The following ZC3HAV1 variants were observed in gnomAD, a reference collection of about 807,000 sequenced individuals.
ZC3HAV1 encodes the protein zinc finger CCCH-type antiviral protein 1.
ZC3HAV1 carries 41 observed loss-of-function variants against 86.6 expected under a neutral mutation model. The ratio of observed to expected loss-of-function variants is 0.47; its 90% CI spans 0.37 to 0.61. The LOEUF is 0.61. Among genes scored for constraint, ZC3HAV1 ranks in the 20% least tolerant of loss-of-function variants. The pLI, the probability that ZC3HAV1 is intolerant of heterozygous loss-of-function variation, is 0.00. For missense variants in ZC3HAV1, 964 were observed against 1,141.1 expected (o/e 0.84, Z 2.24); for synonymous variants, 421 against 432.1 (o/e 0.97, Z 0.32).
In ZC3HAV1 at chr7:139,083,934, GT is replaced by G. The variant is rs1406568181; in HGVS notation, c.542del (p.Asn181ThrfsTer13). 1 of 1,614,110 alleles carries G rather than the reference GT, an allele frequency of 6.2e-7. No homozygotes were observed. The highest frequency in any genetic ancestry group is 8.5e-7 in the Non-Finnish European group (1 of 1,180,028). On this transcript the variant is annotated frameshift_variant, in exon 3 of 13. Transcript: ENST00000242351. LOFTEE classifies it high-confidence loss of function. ...LHICDHFTRG[N>X]CRFPNCLRSH... The stretch of plus-strand genomic sequence containing the variant: ...ACCGGAGGCAGTTGGGAAAACGACA[GT>G]TCCCTCGGGTGAAGTGGTCACAGAT...
intron 9 of ZC3HAV1, among the ~76,000 whole-genome samples, chr7:139,060,170 A>G (rs527859052): frequency 1.3e-5 from 2 of 152,216 alleles, no homozygotes; most frequent in Non-Finnish European, 2.9e-5. Flanking sequence ...GTTGTTTTCC[A>G]TATGACTTCA....
intron 8 of ZC3HAV1, among the ~76,000 whole-genome samples, chr7:139,062,075 G>GT (rs1254771011): frequency 6.6e-6 from 1 of 152,332 alleles, no homozygotes; most frequent in South Asian, 2.1e-4. Flanking sequence ...AAAGTGAGGT[G>GT]TATGTGGTGT....
chr7:139,064,832 CA>C, intron 8 of ZC3HAV1, 46 bp downstream of exon 8: 1 of 1,613,654 alleles, frequency 6.2e-7, no homozygotes, highest in Non-Finnish European at 8.5e-7. Flanking sequence ...GTGTACACTG[CA>C]GGCGGATTTC....
chr7:139,079,163 G>A (rs1270771621), intron 4 of ZC3HAV1: 13 of 1,536,092 alleles, frequency 8.5e-6, no homozygotes, highest in East Asian at 2.4e-5. Flanking sequence ...AGGAACCTGG[G>A]TGCAGTTCTG....
chr7:139,074,676 T>C (rs981551509), intron 6 of ZC3HAV1, among the ~76,000 whole-genome samples: 1 of 151,388 alleles, frequency 6.6e-6, no homozygotes, highest in African/African-American at 2.4e-5. Context: ...TATATATAAA[T>C]ATGTAAATAA....
chr7:139,090,477 T>G (rs2130720705), intron 1 of ZC3HAV1, among the ~76,000 whole-genome samples: 3 of 152,306 alleles, frequency 2.0e-5, no homozygotes, highest in Middle Eastern at 3.4e-3. Context: ...TTCTATTAAC[T>G]CCATAAATTA....
chr7:139,097,505 G>T lies in ZC3HAV1; in HGVS notation c.309-7746C>A, dbSNP rs1817640944. Among the ~76,000 whole-genome samples, 8 of 143,002 alleles carry T rather than the reference G, an allele frequency of 5.6e-5. No individual in the cohort carries two copies. The Admixed American group carries it at 5.9e-4, about 10-fold the overall frequency. The allele number at this position is 143,002 out of a possible 152,430, so 93.8% of individuals were successfully genotyped here. A position where few individuals can be genotyped will look rare whatever the true frequency, so the allele number is the denominator to read the frequency against. On this transcript the variant is annotated intron_variant, in intron 1 of 12. Transcript: ENST00000242351. Reference sequence around the variant, plus strand: ...GCTGGAGTGCAGTGGCGCGATCTCGGCTTATTGCAAGCTCCACCTCCTGGG... The same window carrying T: ...GCTGGAGTGCAGTGGCGCGATCTCGTCTTATTGCAAGCTCCACCTCCTGGG...
intron 2 of ZC3HAV1, among the ~76,000 whole-genome samples, chr7:139,087,085 T>C (rs1344569893): frequency 6.6e-6 from 1 of 152,166 alleles, no homozygotes; most frequent in African/African-American, 2.4e-5. Flanking sequence ...CGATCAGACA[T>C]GATGAATGGC....
At chr7:139,058,573 G>A (rs994949404) in intron 9 of ZC3HAV1, among the ~76,000 whole-genome samples, 2 of 152,036 alleles carry the variant, frequency 1.3e-5, no homozygotes, top group Non-Finnish European at 2.9e-5. Flanking sequence ...ATAAGTAACT[G>A]TATTACAAGG....
intron 7 of ZC3HAV1, among the ~76,000 whole-genome samples, chr7:139,067,793 G>A (rs559176126): frequency 6.6e-6 from 1 of 152,214 alleles, no homozygotes. Context: ...GAGCCTTCAC[G>A]AGAAAGTGAA....
rs775460892 is a variant in ZC3HAV1, at chr7:139,078,592, T to C, written c.1533A>G (p.Glu511=). 1 of 1,591,424 alleles carries C rather than the reference T, an allele frequency of 6.3e-7. No individual in the cohort carries two copies. Residue 511 remains glutamate, a synonymous_variant, in exon 5 of 13, where the codon GAA becomes GAG. Coordinates refer to ENST00000242351, the MANE Select transcript of ZC3HAV1 (RefSeq NM_020119.4). Reference sequence around the variant, plus strand: ...CCTTACACAGATGGTCAAGACAAATTTCCTCTGAGTCATGATCATCCACCC... The same window carrying C: ...CCTTACACAGATGGTCAAGACAAATCTCCTCTGAGTCATGATCATCCACCC... The part of the protein sequence containing the change: ...SSRVDDHDSE[E]ICLDHLCKGC...
rs980425112 is a variant in ZC3HAV1 at position 139,079,892 on chromosome 7, G to A, written c.1049C>T (p.Ala350Val). 9 of 1,614,190 alleles carry A rather than the reference G, an allele frequency of 5.6e-6. No individual in the cohort carries two copies. Among genetic ancestry groups the A allele is most frequent in the Non-Finnish European group, 6.8e-6 (8 of 1,180,040 alleles). The change falls in exon 4 of 13, where the codon GCT becomes GTT. Residue 350 changes from alanine to valine, a missense_variant. Ala to Val is a moderately conservative substitution (Grantham distance 64). Transcript: ENST00000242351. Reference sequence around the variant, plus strand: ...GTTGGGGGCTGATGTTGAATTGGAAGCAAGGTAAGTGCTGCCTGGATTTCC... The same window carrying A: ...GTTGGGGGCTGATGTTGAATTGGAAACAAGGTAAGTGCTGCCTGGATTTCC... ...LHGNPGSTYL[A>V]SNSTSAPNWK...
At chr7:139,058,451 C>T (rs866152932) in intron 9 of ZC3HAV1, among the ~76,000 whole-genome samples, 2 of 141,568 alleles carry the variant, frequency 1.4e-5, no homozygotes, top group South Asian at 2.2e-4. Context: ...CCCCCCCCCC[C>T]CCCACAAAAA....
rs757615722 is a variant in ZC3HAV1, at chr7:139,076,278, C to A, written c.1697+8G>T. Reference sequence around the variant, plus strand: ...CTCTTGAAAGCCAGAGTACAGCCACCAACTTACAGGTGGATTCCGGGGTTA... The same window carrying A: ...CTCTTGAAAGCCAGAGTACAGCCACAAACTTACAGGTGGATTCCGGGGTTA... On this transcript the variant is annotated splice_region_variant and intron_variant, in intron 6 of 12. Coordinates refer to ENST00000242351, the MANE Select transcript of ZC3HAV1 (RefSeq NM_020119.4). 3 of 1,614,142 alleles carry A rather than the reference C, an allele frequency of 1.9e-6. No homozygotes were observed. Among genetic ancestry groups the A allele is most frequent in the Non-Finnish European group, 2.5e-6 (3 of 1,180,006 alleles).
At chr7:139,084,832 T>C (rs1023617942) in intron 2 of ZC3HAV1, among the ~76,000 whole-genome samples, 1 of 152,198 alleles carries the variant, frequency 6.6e-6, no homozygotes, top group East Asian at 1.9e-4. Context: ...CCAATATAAT[T>C]AGTAAGAAAC....
chr7:139,073,473 T>C (rs1410563457), intron 7 of ZC3HAV1, among the ~76,000 whole-genome samples: 1 of 152,006 alleles, frequency 6.6e-6, no homozygotes, highest in Non-Finnish European at 1.5e-5. Context: ...ATTTTATTAA[T>C]AGTGTTCTTT....
intron 1 of ZC3HAV1, among the ~76,000 whole-genome samples, chr7:139,097,422 A>ATTTTTTTTTTTT (rs1563140647): frequency 1.0e-4 from 8 of 79,466 alleles, no homozygotes; most frequent in African/African-American, 1.6e-4. Context: ...ATATATATAT[A>ATTTTTTTTTTTT]TATATATTTT....
At position 139,108,984 on chromosome 7, in the gene ZC3HAV1, C is replaced by T. The variant is rs759787183; in HGVS notation, c.308+40G>A. ...GCCCGCCTGGACAGTCCACCCCGAC[C>T]ACGGCTGCGGACAGCGCCCCTCCCT... On this transcript the variant is annotated intron_variant, in intron 1 of 12. Coordinates refer to ENST00000242351, the MANE Select transcript of ZC3HAV1 (RefSeq NM_020119.4). This position sits in a 1 kb window ranked among gnomAD's most constrained non-coding sequence, Gnocchi z 4.2. 2 of 1,504,450 alleles carry T rather than the reference C, an allele frequency of 1.3e-6. No individual in the cohort carries two copies. The highest frequency in any genetic ancestry group is 2.7e-5 in the African/African-American group (2 of 72,756). 93.2% of individuals were successfully genotyped at this position (1,504,450 alleles called of 1,614,324 possible).
At chr7:139,060,826 A>C in intron 9 of ZC3HAV1, 1 of 1,459,750 alleles carries the variant, frequency 6.9e-7, no homozygotes. Context: ...CCTTTCAGAA[A>C]GAAAATTCAT....
Sources: allele counts gnomAD v4.1 joint callset (sites outside exome capture counted in the v4.1 genomes callset), GRCh38; gene constraint gnomAD v4.1.1; non-coding constraint Gnocchi (gnomAD v3.1); transcripts MANE v1.5; gene names NCBI Gene and HGNC (gene_info 2026-07-23, HGNC 2026-07-21).